Variants in RUFY4 observed in about 807,000 individuals in gnomAD.
The protein encoded by RUFY4 is RUN and FYVE domain-containing protein 4.
Under a neutral mutation model 69.0 loss-of-function variants are expected in RUFY4, and 73 were observed. That is an observed-to-expected ratio of 1.06 (90% CI 0.88 to 1.29). The LOEUF is 1.29. Ranked by LOEUF, RUFY4 falls within the 50% of genes most tolerant of loss-of-function variation. The probability of loss-of-function intolerance (pLI) is 0.00; values close to 1 mark genes in which losing one functional copy is unlikely to be tolerated. For synonymous variants in RUFY4, 287 were observed against 271.8 expected, an observed-to-expected ratio of 1.06 and a Z score of -0.55; for missense variants, 770 against 705.6, an observed-to-expected ratio of 1.09 and a Z score of -1.03.
intron 2 of RUFY4, among the ~76,000 whole-genome samples, chr2:218,049,156 T>G (rs748060902): frequency 2.1e-4 from 32 of 152,212 alleles, no homozygotes; most frequent in Non-Finnish European, 4.1e-4. Flanking sequence ...GCCCTGAGTT[T>G]CCACACCATT....
intron 2 of RUFY4, among the ~76,000 whole-genome samples, chr2:218,053,126 G>C (rs753838749): frequency 5.9e-5 from 9 of 151,720 alleles, no homozygotes; most frequent in Non-Finnish European, 1.2e-4. Flanking sequence ...TGCCTGGCTC[G>C]TGATTCTATT....
At chr2:218,053,910 G>T in intron 2 of RUFY4, among the ~76,000 whole-genome samples, 1 of 152,208 alleles carries the variant, frequency 6.6e-6, no homozygotes, top group East Asian at 1.9e-4. Context: ...CTCCCAAAGT[G>T]CTGGAATGAC....
exon 7 of RUFY4, chr2:218,075,255 A>G (rs1228395727): frequency 1.8e-5 from 29 of 1,578,624 alleles, no homozygotes; most frequent in Non-Finnish European, 2.5e-5. Context: ...GAAGGGGGAA[A>G]GTTCCAGGAA....
intron 3 of RUFY4, chr2:218,060,904 A>G (rs1036408241): frequency 3.8e-6 from 4 of 1,055,144 alleles, no homozygotes; most frequent in Non-Finnish European, 5.9e-6. Context: ...AGTAACAGGA[A>G]CAGGTTCCAC....
intron 6 of RUFY4, chr2:218,074,090 A>T (rs1421507943): frequency 1.6e-6 from 1 of 619,006 alleles, no homozygotes; most frequent in Non-Finnish European, 2.9e-6. Flanking sequence ...TGGCGGGGAC[A>T]CTGGGAGAGA....
chr2:218,070,805 G>A (rs373344380), exon 2 of RUFY4: 33 of 1,537,104 alleles, frequency 2.1e-5, no homozygotes, highest in South Asian at 3.6e-5. Context: ...GGCCAGTGAC[G>A]GACACCAGTG....
intron 8 of RUFY4, among the ~76,000 whole-genome samples, chr2:218,078,546 C>A (rs1249702450): frequency 6.6e-6 from 1 of 152,130 alleles, no homozygotes; most frequent in African/African-American, 2.4e-5. Flanking sequence ...ATCGGAAGTG[C>A]CTCGACTTTG....
chr2:218,066,828 G>A (rs1004477025), upstream of RUFY4, among the ~76,000 whole-genome samples: 1 of 152,160 alleles, frequency 6.6e-6, no homozygotes, highest in African/African-American at 2.4e-5. Flanking sequence ...GGATTGTCGC[G>A]TCTTCATAAT....
At chr2:218,055,394 C>CAA (rs74531758) in intron 2 of RUFY4, among the ~76,000 whole-genome samples, 5 of 114,852 alleles carry the variant, frequency 4.4e-5, no homozygotes, top group South Asian at 2.9e-4. Context: ...GACCCTGTCT[C>CAA]AAAAAAAAAA....
chr2:218,050,523 A>T (rs7561786), intron 2 of RUFY4, among the ~76,000 whole-genome samples: 12,712 of 152,222 alleles, frequency 0.084, 1,639 homozygotes, highest in African/African-American at 0.28. Flanking sequence ...CCCTCCCTCC[A>T]GCTCACAGAA....
chr2:218,080,251 G>A (rs1435008338), intron 8 of RUFY4, among the ~76,000 whole-genome samples: 5 of 152,192 alleles, frequency 3.3e-5, no homozygotes, highest in East Asian at 1.9e-4. Context: ...GCGTTTCTCC[G>A]TCTGACTTCT....
rs1378914964 is a variant in RUFY4 at position 218,041,505 on chromosome 2, C to T, written c.-1158+6111C>T. Among the ~76,000 whole-genome samples, 3 of 151,794 alleles carry T rather than the reference C, an allele frequency of 2.0e-5. No homozygotes were observed. The East Asian group carries it at 5.8e-4, about 29-fold the overall frequency. ...AGCAAACAACAGCTCATGAACTGGG[C>T]AGTTCCAAACCAGAAGCAGTTCAGG... On this transcript the variant is annotated intron_variant and NMD_transcript_variant, in intron 2 of 13. Coordinates refer to the RUFY4 transcript ENST00000457754.
Position 218,073,230 on chromosome 2 carries a change from A to C in RUFY4, c.387-13A>C. ...GGGTCAAAGGCCAAGGGTTCTGATC[A>C]CTGTTAACACAGGGAATGGTATGGA... On this transcript the variant is annotated splice_polypyrimidine_tract_variant and intron_variant, in intron 4 of 10. Transcript: ENST00000344321. 1.3e-6 allele frequency: 2 copies of C among 1,549,562 alleles called. No individual in the cohort carries two copies. Among genetic ancestry groups the C allele is most frequent in the Non-Finnish European group, 1.7e-6 (2 of 1,146,882 alleles).
chr2:218,067,108 T>C (rs1159084179), upstream of RUFY4, among the ~76,000 whole-genome samples: 1 of 152,228 alleles, frequency 6.6e-6, no homozygotes, highest in Non-Finnish European at 1.5e-5. Context: ...CCGCTCTTTA[T>C]CACCCATGTA....
Position 218,089,239 on chromosome 2 carries a change from AT to A in RUFY4, c.1503-12del. 6.2e-7 allele frequency: 1 copy of A among 1,601,942 alleles called. No individual in the cohort carries two copies. Among genetic ancestry groups the A allele is most frequent in the Non-Finnish European group, 8.5e-7 (1 of 1,170,644 alleles). ...TCTCTGTCTGTGTCTCTCCACCTTC[AT>A]CCCCCCATCAGAGAGAAGGACCGCC... is the stretch of plus-strand genomic sequence containing the variant. On this transcript the variant is annotated splice_polypyrimidine_tract_variant and intron_variant, in intron 9 of 10. Transcript: ENST00000344321.
exon 7 of RUFY4, chr2:218,075,653 C>T (rs777797822): frequency 7.1e-5 from 107 of 1,505,514 alleles, no homozygotes; most frequent in Middle Eastern, 2.1e-4. Context: ...AAGACTCTAC[C>T]GTGGAGAATC....
In RUFY4 at chr2:218,089,242, C is replaced by G; in HGVS notation, c.1503-10C>G. 2 of 1,605,750 alleles carry G rather than the reference C, an allele frequency of 1.2e-6. No homozygotes were observed. The highest frequency in any genetic ancestry group is 2.2e-5 in the South Asian group (2 of 90,620). The stretch of plus-strand genomic sequence containing the variant: ...CTGTCTGTGTCTCTCCACCTTCATC[C>G]CCCCATCAGAGAGAAGGACCGCCTG... On this transcript the variant is annotated splice_polypyrimidine_tract_variant and intron_variant, in intron 9 of 10. Transcript: ENST00000344321.
chr2:218,056,336 A>G (rs75470353), intron 2 of RUFY4, among the ~76,000 whole-genome samples: 3,142 of 152,056 alleles, frequency 0.021, 129 homozygotes, highest in African/African-American at 0.073. Context: ...CCACACTTCA[A>G]GATGATTGCT....
chr2:218,086,202 A>C (rs1689891064), intron 9 of RUFY4, among the ~76,000 whole-genome samples: 1 of 152,226 alleles, frequency 6.6e-6, no homozygotes, highest in African/African-American at 2.4e-5. Context: ...TCAGGAGAGA[A>C]ATAATTAGAC....
Sources: gnomAD v4.1 joint callset for allele counts (sites outside exome capture counted in the v4.1 genomes callset) on GRCh38, gnomAD v4.1.1 for gene constraint, MANE v1.5 for transcripts, NCBI Gene and HGNC (gene_info 2026-07-23, HGNC 2026-07-21) for gene names.